Variants in ANGPT1 observed in about 807,000 individuals in gnomAD.
The protein encoded by ANGPT1 is angiopoietin 1, also known as angiopoietin-1.
ANGPT1 carries 17 observed loss-of-function variants against 62.2 expected under a neutral mutation model. The observed-to-expected ratio is 0.27, with a 90% confidence interval of 0.19 to 0.41. The LOEUF is 0.41. Ranked by LOEUF, ANGPT1 falls within the 10% of genes least tolerant of loss-of-function variation. The pLI, the probability that ANGPT1 is intolerant of heterozygous loss-of-function variation, is 1.00. For missense variants in ANGPT1, 478 were observed against 594.9 expected, an observed-to-expected ratio of 0.80 and a Z score of 2.04; for synonymous variants, 199 against 198.9, an observed-to-expected ratio of 1.00 and a Z score of 0.00.
chr8:107,319,363 T>C (rs1033322301), intron 4 of ANGPT1, among the ~76,000 whole-genome samples: 10 of 146,662 alleles, frequency 6.8e-5, no homozygotes, highest in Non-Finnish European at 1.3e-4. Context: ...CAGAAGACCT[T>C]TTAGGGTCAA....
rs1273127145 is a variant in ANGPT1 at position 107,497,626 on chromosome 8, A to G, written c.-68T>C. 3 of 1,475,872 alleles carry G rather than the reference A, an allele frequency of 2.0e-6. No individual in the cohort carries two copies. In the Admixed American group the frequency reaches 6.6e-5, roughly 33 times the overall value. 91.4% of individuals were successfully genotyped at this position (1,475,872 alleles called of 1,614,324 possible). A position where few individuals can be genotyped will look rare whatever the true frequency, so the allele number is the denominator to read the frequency against. On this transcript the variant is annotated 5_prime_UTR_variant, in exon 1 of 9. An upstream open reading frame in the 5' UTR loses its in-frame stop. Coordinates refer to ENST00000517746, the MANE Select transcript of ANGPT1 (RefSeq NM_001146.5). ...CTCCTTTCTTCTGACCTCTAAAACT[A>G]GTTCTTTATTTCAGGTAAAACTGCT...
At chr8:107,282,953 C>T (rs1359743128) in intron 7 of ANGPT1, among the ~76,000 whole-genome samples, 1 of 151,936 alleles carries the variant, frequency 6.6e-6, no homozygotes, top group Non-Finnish European at 1.5e-5. Context: ...CCTGCCCCAA[C>T]ACTCTGTCCC....
At chr8:107,363,264 A>T (rs1816204851) in intron 1 of ANGPT1, among the ~76,000 whole-genome samples, 1 of 152,202 alleles carries the variant, frequency 6.6e-6, no homozygotes, top group Non-Finnish European at 1.5e-5. Flanking sequence ...GCTTGGTCAG[A>T]TGTAAGGTGC....
intron 7 of ANGPT1, among the ~76,000 whole-genome samples, chr8:107,278,657 G>A (rs570384538): frequency 6.6e-6 from 1 of 152,292 alleles, no homozygotes; most frequent in East Asian, 1.9e-4. Flanking sequence ...ATCAGATATG[G>A]TGAAGTCCAG....
chr8:107,470,074 C>T (rs939221815), intron 1 of ANGPT1, among the ~76,000 whole-genome samples: 7 of 151,980 alleles, frequency 4.6e-5, no homozygotes, highest in African/African-American at 7.2e-5. Flanking sequence ...ATAGAGGCAT[C>T]AAAACCATAT....
intron 1 of ANGPT1, among the ~76,000 whole-genome samples, chr8:107,487,951 A>G (rs1174845622): frequency 2.0e-5 from 3 of 152,196 alleles, no homozygotes; most frequent in Non-Finnish European, 4.4e-5. Flanking sequence ...AGTGAATAGT[A>G]TCCTTTACAA....
At chr8:107,473,508 T>C (rs1424821892) in intron 1 of ANGPT1, among the ~76,000 whole-genome samples, 1 of 152,066 alleles carries the variant, frequency 6.6e-6, no homozygotes, top group Non-Finnish European at 1.5e-5. Context: ...TATCACTTAA[T>C]GTACCTTAAT....
chr8:107,255,023 C>T (rs529401427), intron 8 of ANGPT1, among the ~76,000 whole-genome samples: 1 of 151,492 alleles, frequency 6.6e-6, no homozygotes, highest in Admixed American at 6.6e-5. Context: ...ATCAATTCTG[C>T]AAATATTAAC....
chr8:107,258,017 A>G (rs1813411082), intron 8 of ANGPT1, among the ~76,000 whole-genome samples: 1 of 149,936 alleles, frequency 6.7e-6, no homozygotes, highest in Non-Finnish European at 1.5e-5. Flanking sequence ...CTAAAGATGA[A>G]AAGTTGTTTA....
chr8:107,487,782 C>A (rs1485870153), intron 1 of ANGPT1, among the ~76,000 whole-genome samples: 1 of 152,072 alleles, frequency 6.6e-6, no homozygotes, highest in African/African-American at 2.4e-5. Context: ...AATAGCAGTT[C>A]TTGAGATTTC....
chr8:107,426,337 A>T (rs1465347349), intron 1 of ANGPT1, among the ~76,000 whole-genome samples: 1 of 152,224 alleles, frequency 6.6e-6, no homozygotes, highest in Non-Finnish European at 1.5e-5. Context: ...CAGAGGGGTG[A>T]GCACTCTCTG....
intron 1 of ANGPT1, among the ~76,000 whole-genome samples, chr8:107,464,972 T>C (rs748421767): frequency 6.6e-6 from 1 of 152,028 alleles, no homozygotes; most frequent in Non-Finnish European, 1.5e-5. Flanking sequence ...CGATATTTGG[T>C]CTCCTATAAA....
chr8:107,340,274 C>T (rs975249251), intron 2 of ANGPT1, among the ~76,000 whole-genome samples: 4 of 152,052 alleles, frequency 2.6e-5, no homozygotes, highest in African/African-American at 9.7e-5. Flanking sequence ...GTATGTGAAA[C>T]ATGCCCCTCA....
intron 1 of ANGPT1, among the ~76,000 whole-genome samples, chr8:107,441,544 C>A (rs1811476083): frequency 6.6e-6 from 1 of 152,174 alleles, no homozygotes; most frequent in Admixed American, 6.5e-5. Context: ...GAGAGAAAAT[C>A]AGCTCATCAG....
intron 8 of ANGPT1, among the ~76,000 whole-genome samples, chr8:107,254,099 T>G (rs932878551): frequency 6.6e-6 from 1 of 152,050 alleles, no homozygotes; most frequent in African/African-American, 2.4e-5. Flanking sequence ...CCTAACGAAG[T>G]TTGCTTCCCA....
chr8:107,341,303 A>T (rs1465812736), intron 2 of ANGPT1, among the ~76,000 whole-genome samples: 1 of 152,198 alleles, frequency 6.6e-6, no homozygotes, highest in Non-Finnish European at 1.5e-5. Context: ...GGTAAACTAA[A>T]GGTCATAATA....
At chr8:107,311,592 G>A (rs1814865626) in intron 4 of ANGPT1, among the ~76,000 whole-genome samples, 1 of 152,162 alleles carries the variant, frequency 6.6e-6, no homozygotes, top group Non-Finnish European at 1.5e-5. Flanking sequence ...TGTCATAAGT[G>A]TAGCTCTAAT....
intron 1 of ANGPT1, among the ~76,000 whole-genome samples, chr8:107,352,289 A>G (rs17297247): frequency 0.011 from 1,721 of 152,322 alleles, 21 homozygotes; most frequent in Middle Eastern, 0.02. Flanking sequence ...ATCTTAGGAA[A>G]TGTTACCCAT....
At chr8:107,465,959 G>A (rs886881491) in intron 1 of ANGPT1, among the ~76,000 whole-genome samples, 2 of 152,138 alleles carry the variant, frequency 1.3e-5, no homozygotes, top group Non-Finnish European at 2.9e-5. Context: ...ACTTCTATCT[G>A]GGAGGGCTTT....
Sources: gnomAD v4.1 joint callset for allele counts (sites outside exome capture counted in the v4.1 genomes callset) on GRCh38, gnomAD v4.1.1 for gene constraint, MANE v1.5 for transcripts, NCBI Gene and HGNC (gene_info 2026-07-23, HGNC 2026-07-21) for gene names.